The following ABCA6 variants were observed in gnomAD, a reference collection of about 807,000 sequenced individuals.
The protein encoded by ABCA6 is ATP-binding cassette sub-family A member 6.
Under a neutral mutation model 191.2 loss-of-function variants are expected in ABCA6, and 164 were observed. The ratio of observed to expected loss-of-function variants is 0.86; its 90% CI spans 0.76 to 0.98. The LOEUF is 0.98. Ranked by LOEUF, ABCA6 falls within the 50% of genes least tolerant of loss-of-function variation. The pLI is 0.00. For missense variants in ABCA6, 1,958 were observed against 1,894.1 expected (o/e 1.03, Z -0.63); for synonymous variants, 636 against 647.7 (o/e 0.98, Z 0.27).
chr17:69,127,541 G>A (rs1013977112), intron 8 of ABCA6, among the ~76,000 whole-genome samples: 3 of 151,932 alleles, frequency 2.0e-5, no homozygotes, highest in African/African-American at 4.8e-5. Flanking sequence ...ATCAATAATC[G>A]GGGAAATGCA....
chr17:69,078,831 A>T lies in ABCA6; in HGVS notation c.*142T>A. 1.9e-6 allele frequency: 1 copy of T among 520,442 alleles called. No individual in the cohort carries two copies. Among genetic ancestry groups the T allele is most frequent in the South Asian group, 3.9e-5 (1 of 25,382 alleles). 32.2% of individuals were successfully genotyped at this position (520,442 alleles called of 1,614,324 possible). A position where few individuals can be genotyped will look rare whatever the true frequency, so the allele number is the denominator to read the frequency against. On this transcript the variant is annotated 3_prime_UTR_variant, in exon 39 of 39. Coordinates refer to ENST00000284425, the MANE Select transcript of ABCA6 (RefSeq NM_080284.3). ...TATGTTTGAGAGGAAGAATAATTTT[A>T]AAATTTATGTATTTGTTAACTAAAT... is the stretch of plus-strand genomic sequence containing the variant.
intron 27 of ABCA6, 78 bp downstream of exon 27, chr17:69,089,387 C>G: frequency 2.2e-6 from 3 of 1,375,002 alleles, no homozygotes; most frequent in Non-Finnish European, 3.1e-6. Flanking sequence ...AAATGGCACA[C>G]TTTGGACAAG....
rs780488484 is a variant in ABCA6 at position 69,114,851 on chromosome 17, T to C, written c.1693A>G (p.Asn565Asp). 6.2e-7 allele frequency: 1 copy of C among 1,612,808 alleles called. No homozygotes were observed. The highest frequency in any genetic ancestry group is 1.3e-5 in the African/African-American group (1 of 74,916). ...RKITGVCPQFNVQFDILTVKE... is the reference protein window; with the variant it reads ...RKITGVCPQFDVQFDILTVKE... The stretch of plus-strand genomic sequence containing the variant: ...ACGGTGAGTATGTCAAATTGAACAT[T>C]GAATTGAGGACAGACGCCAGTTATC... The change falls in exon 13 of 39, where the codon AAT becomes GAT. Residue 565 changes from asparagine to aspartate, a missense_variant. Coordinates refer to ENST00000284425, the MANE Select transcript of ABCA6 (RefSeq NM_080284.3).
chr17:69,102,007 G>T (rs2073192229), intron 21 of ABCA6, among the ~76,000 whole-genome samples: 1 of 152,138 alleles, frequency 6.6e-6, no homozygotes, highest in South Asian at 2.1e-4. Flanking sequence ...TAGGCCCCTT[G>T]CTTTTATTAG....
Position 69,106,214 on chromosome 17 carries a change from A to G in ABCA6, c.2390-3T>C, listed in dbSNP as rs1426747354. 2 of 1,610,050 alleles carry G rather than the reference A, an allele frequency of 1.2e-6. No individual in the cohort carries two copies. The highest frequency in any genetic ancestry group is 2.2e-5 in the South Asian group (2 of 90,308). On this transcript the variant is annotated splice_region_variant and splice_polypyrimidine_tract_variant and intron_variant, in intron 18 of 38. Coordinates refer to ENST00000284425, the MANE Select transcript of ABCA6 (RefSeq NM_080284.3). ...TATCATCTCCACTTGTTCGAAATCT[A>G]TAAACACACACATACACAAACACAC...
At chr17:69,097,064 G>A (rs2073064604) in intron 23 of ABCA6, among the ~76,000 whole-genome samples, 1 of 152,136 alleles carries the variant, frequency 6.6e-6, no homozygotes, top group African/African-American at 2.4e-5. Context: ...ATAATGAAAA[G>A]TGGACCTCAT....
In ABCA6 at chr17:69,134,801, G is replaced by C. The variant is rs932147399; in HGVS notation, c.461-59C>G. On this transcript the variant is annotated intron_variant, in intron 4 of 38. Transcript: ENST00000284425. ...TGGGACGAGGGCAGTTGGAGAATAT[G>C]AAACAAGTATTGAAAAGAAAACAAT... 1.6e-5 allele frequency: 19 copies of C among 1,182,128 alleles called. No individual in the cohort carries two copies. In the African/African-American group the frequency reaches 2.8e-4, roughly 17 times the overall value. 73.2% of individuals were successfully genotyped at this position (1,182,128 alleles called of 1,614,324 possible).
At chr17:69,087,041 G>A (rs761788253) in intron 29 of ABCA6, among the ~76,000 whole-genome samples, 12 of 152,058 alleles carry the variant, frequency 7.9e-5, no homozygotes, top group African/African-American at 1.9e-4. Context: ...CGCATTCTTC[G>A]ACAAATCTAA....
At chr17:69,088,512 C>A (rs1333576203) in intron 27 of ABCA6, among the ~76,000 whole-genome samples, 2 of 152,100 alleles carry the variant, frequency 1.3e-5, no homozygotes, top group African/African-American at 4.8e-5. Context: ...CCAATTATTT[C>A]TCACCCCTAC....
chr17:69,105,166 G>A (rs558109935), intron 20 of ABCA6: 17 of 305,508 alleles, frequency 5.6e-5, no homozygotes, highest in East Asian at 3.2e-4. Context: ...AAAATAGAAC[G>A]GGTGTGCCAA....
intron 11 of ABCA6, among the ~76,000 whole-genome samples, chr17:69,116,912 A>G (rs2073548209): frequency 6.6e-6 from 1 of 152,146 alleles, no homozygotes; most frequent in African/African-American, 2.4e-5. Context: ...TAAAATGAAC[A>G]AAATTCTTAA....
In ABCA6 at chr17:69,105,518, G is replaced by A. The variant is rs546453741; in HGVS notation, c.2684C>T (p.Ser895Phe). ...WEFKNELYFLSPGQLPQEPRT... is the reference protein window; with the variant it reads ...WEFKNELYFLFPGQLPQEPRT... ...GGGTTCCTGGGGAAGTTGTCCAGGA[G>A]AGAGAAAATACAATTCGTTTTTAAA... Residue 895 changes from serine to phenylalanine, a missense_variant, in exon 20 of 39, where the codon TCT becomes TTT. Coordinates refer to ENST00000284425, the MANE Select transcript of ABCA6 (RefSeq NM_080284.3). 9 of 1,611,340 alleles carry A rather than the reference G, an allele frequency of 5.6e-6. No individual in the cohort carries two copies. The East Asian group carries it at 1.8e-4, about 32-fold the overall frequency.
intron 15 of ABCA6, 102 bp from the exon 16 acceptor site, chr17:69,112,375 T>C: frequency 2.4e-6 from 2 of 827,516 alleles, no homozygotes; most frequent in Non-Finnish European, 4.1e-6. Flanking sequence ...AAAGGAGAAG[T>C]ATTCAACAGG....
intron 37 of ABCA6, among the ~76,000 whole-genome samples, chr17:69,080,163 A>G (rs915047628): frequency 1.1e-4 from 16 of 152,146 alleles, no homozygotes; most frequent in African/African-American, 3.9e-4. Flanking sequence ...CAAAGCAGAG[A>G]TATATATTAT....
chr17:69,091,317 T>G lies in ABCA6; in HGVS notation c.3409-55A>C, dbSNP rs2072917096. On this transcript the variant is annotated intron_variant, in intron 25 of 38. Transcript: ENST00000284425. ...AGACATACTCAACCCATTGATATTT[T>G]GTAAAACATTTAAGATGCAGGTGTT... 5.1e-6 allele frequency: 8 copies of G among 1,582,840 alleles called. No homozygotes were observed. The South Asian group carries it at 9.1e-5, about 18-fold the overall frequency.
chr17:69,085,583 A>C, intron 31 of ABCA6, 42 bp downstream of exon 31: 1 of 1,365,498 alleles, frequency 7.3e-7, no homozygotes, highest in Non-Finnish European at 1.0e-6. Flanking sequence ...TATACGTATC[A>C]TGAAATTCCT....
chr17:69,105,796 A>G, intron 19 of ABCA6, 168 bp from the exon 20 acceptor site: 2 of 709,964 alleles, frequency 2.8e-6, no homozygotes, highest in Non-Finnish European at 4.6e-6. Flanking sequence ...ACCAGAAGGC[A>G]TTACTATATA....
At chr17:69,091,054 C>A in intron 26 of ABCA6, 89 bp downstream of exon 26, 1 of 1,377,466 alleles carries the variant, frequency 7.3e-7, no homozygotes, top group South Asian at 1.4e-5. Context: ...CTCCCCAGTT[C>A]CACTACTTTC....
intron 37 of ABCA6, among the ~76,000 whole-genome samples, chr17:69,079,937 G>A (rs1173797558): frequency 6.6e-6 from 1 of 152,148 alleles, no homozygotes; most frequent in African/African-American, 2.4e-5. Context: ...TAAATAGGGA[G>A]CGCTAGGCAC....
Sources: gnomAD v4.1 joint callset for allele counts (sites outside exome capture counted in the v4.1 genomes callset) on GRCh38, gnomAD v4.1.1 for gene constraint, MANE v1.5 for transcripts, NCBI Gene and HGNC (gene_info 2026-07-23, HGNC 2026-07-21) for gene names.